Variants in ARHGAP24 observed in about 807,000 individuals in gnomAD.
The protein encoded by ARHGAP24 is Rho GTPase activating protein 24, also known as rho GTPase-activating protein 24.
In ARHGAP24, 50 loss-of-function variants were observed where a neutral mutation model predicts 76.4. The ratio of observed to expected loss-of-function variants is 0.65; its 90% CI spans 0.52 to 0.83. ARHGAP24 has a LOEUF of 0.83. Among genes scored for constraint, ARHGAP24 ranks in the 40% least tolerant of loss-of-function variants. ARHGAP24 has a pLI of 0.00. For missense variants in ARHGAP24, 930 were observed against 914.2 expected (o/e 1.02, Z -0.22); for synonymous variants, 345 against 323.3 (o/e 1.07, Z -0.72).
Position 85,942,138 on chromosome 4 carries a change from T to A in ARHGAP24, c.464T>A (p.Leu155Ter). The A allele has an allele frequency of 6.2e-7, 1 of 1,614,058 alleles. No homozygotes were observed. Among genetic ancestry groups the A allele is most frequent in the Non-Finnish European group, 8.5e-7 (1 of 1,180,018 alleles). ...KRYGNRLAPM[L>*]VEQCVDFIRQ... ...TATGGGAACCGTCTGGCTCCGATGT[T>A]GGTGGAGCAGTGCGTGGACTTTATC... Residue 155 changes from leucine to a stop codon, truncating the protein, a stop_gained, in exon 5 of 10, where the codon TTG becomes TAG. Transcript: ENST00000395184. LOFTEE classifies it high-confidence loss of function.
At chr4:85,530,373 T>C (rs1725209662) in intron 1 of ARHGAP24, among the ~76,000 whole-genome samples, 3 of 151,968 alleles carry the variant, frequency 2.0e-5, no homozygotes, top group Non-Finnish European at 4.4e-5. Context: ...TGGTCTTGAC[T>C]GTTTCACTGC....
chr4:85,731,023 CACACAG>C (rs34961013), intron 3 of ARHGAP24, among the ~76,000 whole-genome samples: 15,198 of 108,940 alleles, frequency 0.14, 1,352 homozygotes, highest in East Asian at 0.67. Context: ...CACACACACA[CACACAG>C]AGAGAGAGAC....
chr4:85,761,074 G>A (rs1726715163), intron 3 of ARHGAP24, among the ~76,000 whole-genome samples: 1 of 152,146 alleles, frequency 6.6e-6, no homozygotes, highest in South Asian at 2.1e-4. Flanking sequence ...ACATGGTAAT[G>A]AGGAAAACAT....
At chr4:85,774,516 G>C (rs1727238290) in intron 3 of ARHGAP24, among the ~76,000 whole-genome samples, 1 of 152,164 alleles carries the variant, frequency 6.6e-6, no homozygotes, top group Non-Finnish European at 1.5e-5. Flanking sequence ...GTTTCAATAA[G>C]AAAAACTACT....
chr4:85,741,902 A>T (rs343849), intron 3 of ARHGAP24, among the ~76,000 whole-genome samples: 76,903 of 152,054 alleles, frequency 0.51, 22,985 homozygotes, highest in Non-Finnish European at 0.69. Flanking sequence ...TGGTCTGATT[A>T]TGTAGTTCAA....
At chr4:85,988,632 TA>T (rs575517456) in intron 8 of ARHGAP24, among the ~76,000 whole-genome samples, 22 of 150,692 alleles carry the variant, frequency 1.5e-4, no homozygotes, top group East Asian at 9.8e-4. Flanking sequence ...AAAAAGGACA[TA>T]AAAAAATAAA....
intron 2 of ARHGAP24, among the ~76,000 whole-genome samples, chr4:85,668,769 C>A (rs11733552): frequency 6.6e-6 from 1 of 151,872 alleles, no homozygotes; most frequent in Non-Finnish European, 1.5e-5. Context: ...GGAACTTGAC[C>A]CAGAGAACAA....
intron 3 of ARHGAP24, among the ~76,000 whole-genome samples, chr4:85,904,886 CT>C (rs1355478020): frequency 6.6e-6 from 1 of 152,128 alleles, no homozygotes; most frequent in Non-Finnish European, 1.5e-5. Context: ...CAAGTAAATG[CT>C]TTTTGTTGGT....
At chr4:85,993,135 C>T (rs1055978783) in intron 8 of ARHGAP24, among the ~76,000 whole-genome samples, 7 of 152,106 alleles carry the variant, frequency 4.6e-5, no homozygotes, top group Non-Finnish European at 7.4e-5. Context: ...GCATCTACTA[C>T]AGTGTTTCTC....
intron 1 of ARHGAP24, among the ~76,000 whole-genome samples, chr4:85,542,699 ATAAT>A (rs3028001): frequency 0.11 from 17,212 of 152,164 alleles, 3,112 homozygotes; most frequent in African/African-American, 0.38. Context: ...CATGTATGAA[ATAAT>A]TAATGACTAG....
chr4:85,700,412 T>A (rs200666708), intron 2 of ARHGAP24, among the ~76,000 whole-genome samples: 1,563 of 25,380 alleles, frequency 0.062, 60 homozygotes, highest in African/African-American at 0.085. Flanking sequence ...AAAAAATAAA[T>A]AAATAAAGAA....
At chr4:85,885,688 G>A (rs1578344516) in intron 3 of ARHGAP24, among the ~76,000 whole-genome samples, 2 of 152,046 alleles carry the variant, frequency 1.3e-5, no homozygotes, top group South Asian at 2.1e-4. Context: ...AGTAGTTCTT[G>A]GAGTCCCATC....
intron 1 of ARHGAP24, among the ~76,000 whole-genome samples, chr4:85,493,195 A>G (rs775313389): frequency 4.6e-5 from 7 of 152,230 alleles, no homozygotes; most frequent in Non-Finnish European, 8.8e-5. Context: ...TAGGCTGGCC[A>G]GGTTTCTCTA....
intron 3 of ARHGAP24, chr4:85,722,200 A>G (rs534589005): frequency 2.8e-4 from 131 of 475,516 alleles, no homozygotes; most frequent in African/African-American, 2.2e-3. Flanking sequence ...TTTGTCCATG[A>G]GACTCCATAG....
At chr4:85,650,213 CA>C (rs1246811297) in intron 2 of ARHGAP24, among the ~76,000 whole-genome samples, 1 of 137,646 alleles carries the variant, frequency 7.3e-6, no homozygotes, top group Non-Finnish European at 1.5e-5. Context: ...ACCAGTGAAG[CA>C]AAAGTTATCA....
intron 1 of ARHGAP24, among the ~76,000 whole-genome samples, chr4:85,541,419 C>T (rs1725697680): frequency 8.3e-6 from 1 of 121,006 alleles, no homozygotes; most frequent in African/African-American, 6.4e-5. Flanking sequence ...TCCCAAAGTG[C>T]TGGGATTACA....
intron 3 of ARHGAP24, among the ~76,000 whole-genome samples, chr4:85,900,923 T>C (rs1220748439): frequency 6.6e-6 from 1 of 152,202 alleles, no homozygotes; most frequent in East Asian, 1.9e-4. Context: ...GATAAACTGA[T>C]ATAACGTCAT....
At chr4:85,934,230 T>G (rs1302348495) in intron 4 of ARHGAP24, among the ~76,000 whole-genome samples, 2 of 152,220 alleles carry the variant, frequency 1.3e-5, no homozygotes, top group African/African-American at 4.8e-5. Flanking sequence ...GGAAGTCCTA[T>G]TTCAAGTAAC....
chr4:85,769,050 T>C (rs1451775656), intron 3 of ARHGAP24, among the ~76,000 whole-genome samples: 2 of 152,140 alleles, frequency 1.3e-5, no homozygotes, highest in African/African-American at 4.8e-5. Context: ...CAAATAGTGA[T>C]GATGAAAAAT....
Sources: allele counts gnomAD v4.1 joint callset (sites outside exome capture counted in the v4.1 genomes callset), GRCh38; gene constraint gnomAD v4.1.1; transcripts MANE v1.5; gene names NCBI Gene and HGNC (gene_info 2026-07-23, HGNC 2026-07-21).